The following PDE11A variants were observed in gnomAD, a reference collection of about 807,000 sequenced individuals.
The protein encoded by PDE11A is phosphodiesterase 11A, also known as dual 3',5'-cyclic-AMP and -GMP phosphodiesterase 11A.
PDE11A carries 100 observed loss-of-function variants against 100.5 expected under a neutral mutation model. The observed-to-expected ratio is 1.00, with a 90% CI of 0.85 to 1.18. The LOEUF (loss-of-function observed/expected upper bound fraction) is 1.18, where lower values mean the gene tolerates loss of function less well. Ranked by LOEUF, PDE11A falls within the 50% of genes most tolerant of loss-of-function variation. The pLI is 0.00. For synonymous variants in PDE11A, 381 were observed against 420.8 expected, an observed-to-expected ratio of 0.91 and a Z score of 1.16; for missense variants, 1,141 against 1,152.6, an observed-to-expected ratio of 0.99 and a Z score of 0.15.
chr2:177,769,885 CAAAAA>C (rs10572990), intron 9 of PDE11A, among the ~76,000 whole-genome samples: 55 of 70,876 alleles, frequency 7.8e-4, no homozygotes, highest in African/African-American at 2.7e-3. Flanking sequence ...AAGACCCTAT[CAAAAA>C]AAAAAAAAAA....
At chr2:177,770,590 G>T (rs1213919830) in intron 9 of PDE11A, among the ~76,000 whole-genome samples, 1 of 152,172 alleles carries the variant, frequency 6.6e-6, no homozygotes, top group Non-Finnish European at 1.5e-5. Context: ...AAGCCTGGAG[G>T]TGCAGCAAAA....
intron 12 of PDE11A, among the ~76,000 whole-genome samples, chr2:177,712,996 GTTTCTGTGTTGACAATTTTA>G (rs2081378363): frequency 6.6e-6 from 1 of 151,436 alleles, no homozygotes; most frequent in Non-Finnish European, 1.5e-5. Flanking sequence ...TGAATAACAG[GTTTCTGTGTTGACAATTTTA>G]TTTTTTTTTT....
chr2:177,801,910 T>A (rs907084535), intron 9 of PDE11A, among the ~76,000 whole-genome samples: 5 of 151,848 alleles, frequency 3.3e-5, no homozygotes, highest in Non-Finnish European at 5.9e-5. Context: ...AAAGACACCA[T>A]GAAAAAATGA....
chr2:177,627,533 A>T lies in PDE11A; in HGVS notation c.*1874T>A, dbSNP rs2079855037. The T allele has an allele frequency of 6.6e-6, 1 of 152,096 alleles. No individual in the cohort carries two copies. 9.4% of individuals were successfully genotyped at this position (152,096 alleles called of 1,614,324 possible). On this transcript the variant is annotated 3_prime_UTR_variant, in exon 20 of 20. Transcript: ENST00000286063. ...TATTTCTTTAATATCTGTAAAGTTA[A>T]TGATTGATAATGATTAATAACAATA...
At chr2:177,657,824 C>T (rs950430499) in intron 19 of PDE11A, among the ~76,000 whole-genome samples, 2 of 152,184 alleles carry the variant, frequency 1.3e-5, no homozygotes, top group African/African-American at 4.8e-5. Context: ...AAGTTGGTAT[C>T]GCCCAGGCAG....
chr2:177,875,670 G>A (rs567259859), intron 5 of PDE11A, among the ~76,000 whole-genome samples, 189 bp downstream of exon 5: 65 of 152,150 alleles, frequency 4.3e-4, no homozygotes, highest in Admixed American at 1.1e-3. Flanking sequence ...CTGAGCCACC[G>A]CGCCTGGCCG....
intron 2 of PDE11A, among the ~76,000 whole-genome samples, chr2:177,992,801 CT>C (rs2086019767): frequency 6.6e-6 from 1 of 152,156 alleles, no homozygotes; most frequent in Admixed American, 6.5e-5. Context: ...CTATGACTGC[CT>C]ATAACCTCAC....
intron 10 of PDE11A, among the ~76,000 whole-genome samples, chr2:177,742,534 A>G (rs2081888262): frequency 6.6e-6 from 1 of 152,136 alleles, no homozygotes; most frequent in Non-Finnish European, 1.5e-5. Flanking sequence ...AGTTCATTTG[A>G]CAAATACTTA....
intron 18 of PDE11A, among the ~76,000 whole-genome samples, chr2:177,666,124 C>G (rs1400983577): frequency 6.6e-6 from 1 of 152,194 alleles, no homozygotes; most frequent in Non-Finnish European, 1.5e-5. Flanking sequence ...TCTACTTTCT[C>G]TATCTATGGA....
At chr2:177,961,850 T>C (rs13023939) in intron 2 of PDE11A, among the ~76,000 whole-genome samples, 9,548 of 151,842 alleles carry the variant, frequency 0.063, 313 homozygotes, top group South Asian at 0.094. Context: ...AGGCCGAGGT[T>C]AGAAGTTCAA....
intron 5 of PDE11A, among the ~76,000 whole-genome samples, chr2:177,865,438 A>G (rs1170205569): frequency 2.0e-5 from 3 of 152,222 alleles, no homozygotes; most frequent in Admixed American, 6.5e-5. Flanking sequence ...GCTACTGTAG[A>G]AAACAGTCTG....
At chr2:178,090,133 A>T (rs2087404008) in intron 2 of PDE11A, among the ~76,000 whole-genome samples, 1 of 152,226 alleles carries the variant, frequency 6.6e-6, no homozygotes, top group Non-Finnish European at 1.5e-5. Flanking sequence ...GACTATATAC[A>T]GAATAATTTG....
At chr2:177,781,455 A>G (rs1267778961) in intron 9 of PDE11A, among the ~76,000 whole-genome samples, 10 of 152,166 alleles carry the variant, frequency 6.6e-5, no homozygotes, top group Admixed American at 1.3e-4. Context: ...TTTGCGGTCA[A>G]TTTGAGACCT....
intron 9 of PDE11A, among the ~76,000 whole-genome samples, chr2:177,785,373 G>C (rs1458604409): frequency 7.4e-6 from 1 of 134,580 alleles, no homozygotes; most frequent in Non-Finnish European, 1.7e-5. Flanking sequence ...AGTTATGTTA[G>C]AATAGCGTTT....
chr2:178,052,218 A>G (rs1461534026), intron 1 of PDE11A, among the ~76,000 whole-genome samples: 1 of 152,322 alleles, frequency 6.6e-6, no homozygotes, highest in East Asian at 1.9e-4. Context: ...CTCACTCAAA[A>G]CTGCTCAACT....
chr2:177,816,913 G>A lies in PDE11A; in HGVS notation c.1653C>T (p.Val551=), dbSNP rs148191182. The stretch of plus-strand genomic sequence containing the variant: ...TGTTGATGCCAAGTCCACAAAAGAT[G>A]ACAAAAGCCTAGGAAAGAGCAAACC... The part of the protein sequence containing the change: ...DADQRLFEAF[V]IFCGLGINNT... The change falls in exon 9 of 20, where the codon GTC becomes GTT. Residue 551 remains valine (V), a synonymous_variant. Transcript: ENST00000286063. The A allele has an allele frequency of 3.4e-5, 55 of 1,603,162 alleles. No individual in the cohort carries two copies. In the African/African-American group the frequency reaches 7.2e-4, roughly 21 times the overall value.
At chr2:178,095,249 G>A (rs918482979) in intron 2 of PDE11A, among the ~76,000 whole-genome samples, 1 of 152,116 alleles carries the variant, frequency 6.6e-6, no homozygotes, top group Non-Finnish European at 1.5e-5. Context: ...ATATAATGGG[G>A]ATACAAACAA....
intron 1 of PDE11A, among the ~76,000 whole-genome samples, chr2:178,051,198 T>C (rs1212699391): frequency 2.6e-5 from 4 of 152,190 alleles, no homozygotes; most frequent in Admixed American, 2.0e-4. Context: ...TGGGGGCCAA[T>C]ATTCAACATT....
intron 12 of PDE11A, among the ~76,000 whole-genome samples, chr2:177,723,495 T>C (rs959521286): frequency 2.6e-5 from 4 of 152,126 alleles, no homozygotes; most frequent in Non-Finnish European, 5.9e-5. Flanking sequence ...TCTTTTCATA[T>C]CCAGTGAATT....
Sources: gnomAD v4.1 joint callset for allele counts (sites outside exome capture counted in the v4.1 genomes callset) on GRCh38, gnomAD v4.1.1 for gene constraint, MANE v1.5 for transcripts, NCBI Gene and HGNC (gene_info 2026-07-23, HGNC 2026-07-21) for gene names.